TOM1L1: variants seen among roughly 807,000 people sequenced by gnomAD.
TOM1L1 encodes the protein target of myb1 like 1 membrane trafficking protein.
In TOM1L1, 64 loss-of-function variants were observed where a neutral mutation model predicts 63.4. That is an observed-to-expected ratio of 1.01 (90% CI 0.83 to 1.24). The LOEUF is 1.24. Among genes scored for constraint, TOM1L1 ranks in the 50% most tolerant of loss-of-function variants. The pLI is 0.00. For missense variants in TOM1L1, 536 were observed against 567.0 expected, an observed-to-expected ratio of 0.95 and a Z score of 0.55; for synonymous variants, 166 against 194.4, an observed-to-expected ratio of 0.85 and a Z score of 1.22.
In TOM1L1 at chr17:54,949,203, A is replaced by ATTT. The variant is rs58407367; in HGVS notation, c.1183-301_1183-299dup. ...CAGGTGTGAGCCACCATGCCCAGCTATTTTTTTTTTTTTTTTGTAGAGTTG... is the reference window on the plus strand; with the variant it reads ...CAGGTGTGAGCCACCATGCCCAGCTATTTTTTTTTTTTTTTTTTTGTAGAGTTG... On this transcript the variant is annotated intron_variant, in intron 12 of 15. Transcript: ENST00000575882. Among the ~76,000 whole-genome samples the ATTT allele has an allele frequency of 2.2e-4, 27 of 122,274 alleles. 3 individuals carry two copies. The highest frequency in any genetic ancestry group is 2.7e-4 in the South Asian group (1 of 3,704). The allele number at this position is 122,274 out of a possible 152,430, so 80.2% of individuals were successfully genotyped here.
chr17:54,957,281 G>T (rs2049560954), intron 14 of TOM1L1: 2 of 152,190 alleles, frequency 1.3e-5, no homozygotes, highest in African/African-American at 4.8e-5. Flanking sequence ...GGACTTAGGA[G>T]TCCACTATGT....
intron 7 of TOM1L1, among the ~76,000 whole-genome samples, chr17:54,922,225 G>A (rs750398214): frequency 7.9e-5 from 12 of 151,994 alleles, no homozygotes; most frequent in Middle Eastern, 6.8e-3. Flanking sequence ...CCCAGGAGGC[G>A]GAGCTTGCAG....
At chr17:54,903,852 C>T (rs1236456644) in intron 2 of TOM1L1, 60 bp downstream of exon 2, 7 of 1,440,090 alleles carry the variant, frequency 4.9e-6, no homozygotes, top group Middle Eastern at 3.5e-4. Flanking sequence ...AACTACAGCA[C>T]GTTTTCTCTT....
chr17:54,926,421 T>C (rs183769609), intron 7 of TOM1L1, among the ~76,000 whole-genome samples: 1 of 152,304 alleles, frequency 6.6e-6, no homozygotes, highest in Admixed American at 6.5e-5. Context: ...TTATCTTGAA[T>C]AGCTGACTTG....
intron 7 of TOM1L1, among the ~76,000 whole-genome samples, chr17:54,928,963 A>G (rs7209926): frequency 0.29 from 43,846 of 152,002 alleles, 6,349 homozygotes; most frequent in Middle Eastern, 0.31. Flanking sequence ...CTTGTAATAG[A>G]TTGTTTGAGA....
At chr17:54,952,810 T>C (rs1270829092) in intron 14 of TOM1L1, 1 of 152,268 alleles carries the variant, frequency 6.6e-6, no homozygotes, top group Non-Finnish European at 1.5e-5. Flanking sequence ...AGGGCCAGCA[T>C]GGCAGTGCCA....
chr17:54,952,139 G>A (rs1379245059), intron 14 of TOM1L1: 2 of 152,140 alleles, frequency 1.3e-5, no homozygotes, highest in Non-Finnish European at 2.9e-5. Context: ...TTACGAAGAG[G>A]TTAAAGATGC....
chr17:54,923,933 A>G (rs571025091), intron 7 of TOM1L1, among the ~76,000 whole-genome samples: 1 of 151,944 alleles, frequency 6.6e-6, no homozygotes, highest in East Asian at 2.0e-4. Context: ...TGGAGGTTGC[A>G]GTGAGCTAAG....
At chr17:54,904,219 A>AT (rs1273971419) in intron 2 of TOM1L1, among the ~76,000 whole-genome samples, 1 of 151,846 alleles carries the variant, frequency 6.6e-6, no homozygotes, top group African/African-American at 2.4e-5. Flanking sequence ...ATACAAAAAA[A>AT]ATTAGCCAGG....
intron 7 of TOM1L1, among the ~76,000 whole-genome samples, chr17:54,927,033 G>A (rs2143840873): frequency 6.6e-6 from 1 of 152,266 alleles, no homozygotes; most frequent in East Asian, 1.9e-4. Flanking sequence ...AAGAAGAGTT[G>A]GAAGGACTTT....
rs1028331087 is a variant in TOM1L1 at position 54,929,992 on chromosome 17, G to A, written c.721-81G>A. 3.4e-5 allele frequency: 54 copies of A among 1,569,152 alleles called. No homozygotes were observed. The South Asian group carries it at 3.7e-4, about 11-fold the overall frequency. ...CTACTTAACGTGGAGGTGACTGTAG[G>A]TATGCGCAGATTGGTGAGTCAGATG... On this transcript the variant is annotated intron_variant, in intron 7 of 15. Transcript: ENST00000575882.
At chr17:54,959,475 AAAAAAAG>A (rs2077052811) in intron 14 of TOM1L1, 2 of 152,204 alleles carry the variant, frequency 1.3e-5, no homozygotes, top group African/African-American at 4.8e-5. Flanking sequence ...CCCTGTCTCA[AAAAAAAG>A]AAAAAAGAAA....
intron 11 of TOM1L1, among the ~76,000 whole-genome samples, 194 bp from the exon 12 acceptor site, chr17:54,947,067 C>T (rs2049131701): frequency 6.6e-6 from 1 of 152,160 alleles, no homozygotes; most frequent in Non-Finnish European, 1.5e-5. Flanking sequence ...AGTCTCAGGG[C>T]TCCCACCACC....
At chr17:54,960,054 TAA>T (rs1323956066) in intron 14 of TOM1L1, among the ~76,000 whole-genome samples, 3 of 152,130 alleles carry the variant, frequency 2.0e-5, no homozygotes, top group African/African-American at 7.2e-5. Context: ...TACATACTTT[TAA>T]GAGACATAGG....
At chr17:54,925,340 G>A (rs928293634) in intron 7 of TOM1L1, among the ~76,000 whole-genome samples, 50 of 152,272 alleles carry the variant, frequency 3.3e-4, no homozygotes, top group Non-Finnish European at 2.6e-4. Context: ...TAAATATCCA[G>A]ACCTCATTCT....
chr17:54,920,157 GC>G (rs2048660213), intron 7 of TOM1L1, among the ~76,000 whole-genome samples: 2 of 152,110 alleles, frequency 1.3e-5, no homozygotes, highest in South Asian at 4.1e-4. Flanking sequence ...CTGGTTGGCT[GC>G]CCCCTTATAA....
Position 54,920,011 on chromosome 17 carries a change from A to AT in TOM1L1, c.720+4152dup, listed in dbSNP as rs575620771. Among the ~76,000 whole-genome samples the AT allele has an allele frequency of 1.7e-4, 24 of 142,098 alleles. No homozygotes were observed. In the East Asian group the frequency reaches 3.6e-3, roughly 21 times the overall value. The allele number at this position is 142,098 out of a possible 152,430, so 93.2% of individuals were successfully genotyped here. ...ATTTATTTATTTATTTATTTATTTT[A>AT]TTTATTCATTTTTTCCCCCTCTAAC... On this transcript the variant is annotated intron_variant, in intron 7 of 15. Coordinates refer to ENST00000575882, the MANE Select transcript of TOM1L1 (RefSeq NM_005486.3).
chr17:54,961,344 C>G lies in TOM1L1; in HGVS notation c.*111C>G, dbSNP rs772909512. 7.6e-5 allele frequency: 118 copies of G among 1,551,278 alleles called. No homozygotes were observed. Among genetic ancestry groups the G allele is most frequent in the Non-Finnish European group, 9.9e-5 (114 of 1,146,860 alleles). Reference sequence around the variant, plus strand: ...GACAATACCTACCAACATGTCAAAGCCATGGTGGCACATTTCTGCTATAAT... The same window carrying G: ...GACAATACCTACCAACATGTCAAAGGCATGGTGGCACATTTCTGCTATAAT... On this transcript the variant is annotated 3_prime_UTR_variant, in exon 16 of 16. Coordinates refer to ENST00000575882, the MANE Select transcript of TOM1L1 (RefSeq NM_005486.3).
rs553546575 is a variant in TOM1L1, at chr17:54,930,301, T to A, written c.854+95T>A. 830 of 1,522,972 alleles carry A rather than the reference T, an allele frequency of 5.4e-4. 2 individuals are homozygous for A. Among genetic ancestry groups the A allele is most frequent in the Non-Finnish European group, 7.3e-4 (812 of 1,117,326 alleles). 94.3% of individuals were successfully genotyped at this position (1,522,972 alleles called of 1,614,324 possible). On this transcript the variant is annotated intron_variant, in intron 8 of 15. Coordinates refer to ENST00000575882, the MANE Select transcript of TOM1L1 (RefSeq NM_005486.3). ...TATCAGAGTGCCTACAAGTGACCCC[T>A]CTTTCTAGATTCTCCATTCTCAATA...
Sources: allele counts gnomAD v4.1 joint callset (sites outside exome capture counted in the v4.1 genomes callset), GRCh38; gene constraint gnomAD v4.1.1; transcripts MANE v1.5; gene names NCBI Gene and HGNC (gene_info 2026-07-23, HGNC 2026-07-21).